FBLN1: variants seen among roughly 807,000 people sequenced by gnomAD.
FBLN1 encodes fibulin 1, also known as fibulin-1.
Under a neutral mutation model 89.7 loss-of-function variants are expected in FBLN1, and 34 were observed. The ratio of observed to expected loss-of-function variants is 0.38; its 90% CI spans 0.29 to 0.50. The LOEUF is 0.50. Among genes scored for constraint, FBLN1 ranks in the 20% least tolerant of loss-of-function variants. The pLI is 0.92. For missense variants in FBLN1, 777 were observed against 988.1 expected (o/e 0.79, Z 2.86); for synonymous variants, 393 against 391.3 (o/e 1.00, Z -0.05).
intron 14 of FBLN1, among the ~76,000 whole-genome samples, chr22:45,566,275 C>T (rs974517972): frequency 2.0e-5 from 3 of 152,168 alleles, no homozygotes; most frequent in Non-Finnish European, 4.4e-5. Flanking sequence ...CCAGAAGCTC[C>T]TCTGCAACAT....
At chr22:45,593,318 C>T (rs1184724225) in intron 16 of FBLN1, among the ~76,000 whole-genome samples, 1 of 152,174 alleles carries the variant, frequency 6.6e-6, no homozygotes, top group Non-Finnish European at 1.5e-5. Context: ...TGCACCCGAG[C>T]ACTTCGTGTT....
intron 14 of FBLN1, among the ~76,000 whole-genome samples, chr22:45,555,112 G>A (rs1294306074): frequency 1.1e-4 from 16 of 151,898 alleles, no homozygotes; most frequent in Admixed American, 2.0e-4. Context: ...GTTGGGACCC[G>A]TCCCCGTCTC....
In FBLN1 at chr22:45,574,561, C is replaced by T. The variant is rs1569262485; in HGVS notation, c.1748C>T (p.Pro583Leu). Residue 583 changes from proline to leucine, a missense_variant, in exon 15 of 17, where the codon CCC becomes CTC. Coordinates refer to ENST00000327858, the MANE Select transcript of FBLN1 (RefSeq NM_006486.3). This position sits in a 1 kb window ranked among gnomAD's most constrained non-coding sequence, Gnocchi z 4.1. ...GTCCGCTGCATCAAGTCCTGCCGCCCCAACGATGTCACATGCGTGTTCGAC... is the reference window on the plus strand; with the variant it reads ...GTCCGCTGCATCAAGTCCTGCCGCCTCAACGATGTCACATGCGTGTTCGAC... Reference protein sequence around the residue: ...DTVRCIKSCRPNDVTCVFDPV... With the variant: ...DTVRCIKSCRLNDVTCVFDPV... 6 of 1,614,208 alleles carry T rather than the reference C, an allele frequency of 3.7e-6. No individual in the cohort carries two copies. The highest frequency in any genetic ancestry group is 5.1e-6 in the Non-Finnish European group (6 of 1,180,034).
intron 14 of FBLN1, among the ~76,000 whole-genome samples, chr22:45,555,534 T>C (rs2088777781): frequency 6.6e-6 from 1 of 152,138 alleles, no homozygotes; most frequent in African/African-American, 2.4e-5. Flanking sequence ...CTGCTTATGC[T>C]GTAGCCGTGC....
At chr22:45,543,736 C>T (rs1003693055) in intron 11 of FBLN1, among the ~76,000 whole-genome samples, 3 of 152,208 alleles carry the variant, frequency 2.0e-5, no homozygotes, top group Non-Finnish European at 2.9e-5. Context: ...CCTCCGAGGC[C>T]GTGTCGGGGT....
At chr22:45,528,873 T>C (rs1280425746) in intron 4 of FBLN1, among the ~76,000 whole-genome samples, 2 of 152,202 alleles carry the variant, frequency 1.3e-5, no homozygotes, top group Non-Finnish European at 2.9e-5. Context: ...CGCTGAGTGC[T>C]TGGAGTCTGG....
At position 45,572,121 on chromosome 22, in the gene FBLN1, T is replaced by C. The variant is rs1377334041; in HGVS notation, c.1698-2390T>C. 6.6e-6 allele frequency among the ~76,000 whole-genome samples: 1 copy of C among 151,876 alleles called. No individual in the cohort carries two copies. Among genetic ancestry groups the C allele is most frequent in the Non-Finnish European group, 1.5e-5 (1 of 67,986 alleles). On this transcript the variant is annotated intron_variant, in intron 14 of 16. Coordinates refer to ENST00000327858, the MANE Select transcript of FBLN1 (RefSeq NM_006486.3). This position sits in a 1 kb window ranked among gnomAD's most constrained non-coding sequence, Gnocchi z 5.8. ...TCCAGCCTGGGTGACAGAGCGAGAC[T>C]CATCTCAAAAAATATATAAAAATAA...
At position 45,557,924 on chromosome 22, in the gene FBLN1, C is replaced by G. The variant is rs1462878333; in HGVS notation, c.1697+7309C>G. The G allele has an allele frequency of 4.8e-6, 3 of 624,086 alleles. No individual in the cohort carries two copies. The highest frequency in any genetic ancestry group is 9.0e-6 in the Non-Finnish European group (3 of 333,742). 38.7% of individuals were successfully genotyped at this position (624,086 alleles called of 1,614,324 possible). A position where few individuals can be genotyped will look rare whatever the true frequency, so the allele number is the denominator to read the frequency against. Reference sequence around the variant, plus strand: ...CCAGGTGCATTGCTTGAAGTTCTGCCCACTGGGAAGATTTCCCTTTGCCAC... The same window carrying G: ...CCAGGTGCATTGCTTGAAGTTCTGCGCACTGGGAAGATTTCCCTTTGCCAC... On this transcript the variant is annotated intron_variant, in intron 14 of 16. Transcript: ENST00000327858. The surrounding 1 kb of genome is among the most constrained non-coding windows in gnomAD (Gnocchi z 4.9).
Position 45,562,833 on chromosome 22 carries a change from A to G in FBLN1, c.1698-11678A>G. The G allele has an allele frequency of 1.4e-6, 2 of 1,412,710 alleles. No individual in the cohort carries two copies. The highest frequency in any genetic ancestry group is 2.0e-6 in the Non-Finnish European group (2 of 1,008,082). The allele number at this position is 1,412,710 out of a possible 1,614,324, so 87.5% of individuals were successfully genotyped here. A position where few individuals can be genotyped will look rare whatever the true frequency, so the allele number is the denominator to read the frequency against. On this transcript the variant is annotated intron_variant, in intron 14 of 16. Coordinates refer to ENST00000327858, the MANE Select transcript of FBLN1 (RefSeq NM_006486.3). The surrounding 1 kb of genome is among the most constrained non-coding windows in gnomAD (Gnocchi z 7.8). ...GGGAGGCCCCGCCTGCCAGCCCCGC[A>G]TCCCCGCGCTCTGCCGTTTCTCCGC...
intron 3 of FBLN1, among the ~76,000 whole-genome samples, 161 bp from the exon 4 acceptor site, chr22:45,527,686 T>C (rs554310706): frequency 6.6e-6 from 1 of 152,122 alleles, no homozygotes; most frequent in Non-Finnish European, 1.5e-5. Context: ...GCTTTGCTAT[T>C]TGTTGCTGAC....
chr22:45,596,845 T>C (rs532690245), intron 16 of FBLN1, among the ~76,000 whole-genome samples: 2 of 139,654 alleles, frequency 1.4e-5, no homozygotes. Context: ...TAAATTTATA[T>C]GTAAATTTAT....
In FBLN1 at chr22:45,532,897, C is replaced by T; in HGVS notation, c.545-166C>T. ...CCCTGGGGGGTGTCCAGAGCCAGAG[C>T]CTGGGGGTCTCCCAGTAGGGCAGCA... On this transcript the variant is annotated intron_variant, in intron 5 of 16. Transcript: ENST00000327858. The surrounding 1 kb of genome is among the most constrained non-coding windows in gnomAD (Gnocchi z 4.2). 1 of 665,478 alleles carries T rather than the reference C, an allele frequency of 1.5e-6. No homozygotes were observed. Among genetic ancestry groups the T allele is most frequent in the East Asian group, 2.7e-5 (1 of 36,808 alleles). The allele number at this position is 665,478 out of a possible 1,614,324, so 41.2% of individuals were successfully genotyped here.
At chr22:45,520,822 T>C (rs908024469) in intron 2 of FBLN1, among the ~76,000 whole-genome samples, 2 of 152,154 alleles carry the variant, frequency 1.3e-5, no homozygotes, top group African/African-American at 4.8e-5. Context: ...TTATCTTTTT[T>C]CTTTATTTTT....
Position 45,533,117 on chromosome 22 carries a change from C to A in FBLN1, c.599C>A (p.Ser200Tyr), listed in dbSNP as rs2088431874. 6.2e-7 allele frequency: 1 copy of A among 1,614,068 alleles called. No homozygotes were observed. Among genetic ancestry groups the A allele is most frequent in the Non-Finnish European group, 8.5e-7 (1 of 1,180,032 alleles). The change falls in exon 6 of 17, where the codon TCC becomes TAC. Residue 200 changes from serine (S) to tyrosine (Y), a missense_variant. Ser to Tyr is a moderately radical substitution (Grantham distance 144). Transcript: ENST00000327858. ...CRDTGDEVVC[S>Y]CFVGYQLLSD... ...GACACGGGTGACGAGGTGGTCTGCT[C>A]CTGCTTCGTGGGCTACCAGCTGCTG...
chr22:45,543,027 G>T (rs941936930), intron 10 of FBLN1, among the ~76,000 whole-genome samples: 8 of 152,368 alleles, frequency 5.3e-5, no homozygotes, highest in Non-Finnish European at 1.2e-4. Flanking sequence ...AGCACTTTGG[G>T]AGGCTAAGGC....
chr22:45,575,062 G>A lies in FBLN1; in HGVS notation c.1840+409G>A, dbSNP rs538669915. Reference sequence around the variant, plus strand: ...CTCCCAAAGTGCTGGGATTACAGGCGTGAGCCACCGCGCCTGGCAACTTGA... The same window carrying A: ...CTCCCAAAGTGCTGGGATTACAGGCATGAGCCACCGCGCCTGGCAACTTGA... On this transcript the variant is annotated intron_variant, in intron 15 of 16. Transcript: ENST00000327858. The surrounding 1 kb of genome is among the most constrained non-coding windows in gnomAD (Gnocchi z 6.3). 2.6e-5 allele frequency among the ~76,000 whole-genome samples: 4 copies of A among 152,236 alleles called. No homozygotes were observed. The highest frequency in any genetic ancestry group is 2.1e-4 in the South Asian group (1 of 4,822).
chr22:45,554,313 G>GC (rs1004973881), intron 14 of FBLN1, among the ~76,000 whole-genome samples: 1 of 152,298 alleles, frequency 6.6e-6, no homozygotes, highest in Non-Finnish European at 1.5e-5. Flanking sequence ...CTCCTCAGAG[G>GC]CCCCCCTGGG....
At position 45,532,919 on chromosome 22, in the gene FBLN1, A is replaced by G; in HGVS notation, c.545-144A>G. The G allele has an allele frequency of 1.4e-6, 1 of 711,638 alleles. No homozygotes were observed. The highest frequency in any genetic ancestry group is 1.6e-5 in the South Asian group (1 of 61,340). The allele number at this position is 711,638 out of a possible 1,614,324, so 44.1% of individuals were successfully genotyped here. A position where few individuals can be genotyped will look rare whatever the true frequency, so the allele number is the denominator to read the frequency against. On this transcript the variant is annotated intron_variant, in intron 5 of 16. Coordinates refer to ENST00000327858, the MANE Select transcript of FBLN1 (RefSeq NM_006486.3). The surrounding 1 kb of genome is among the most constrained non-coding windows in gnomAD (Gnocchi z 4.2). ...GAGCCTGGGGGTCTCCCAGTAGGGC[A>G]GCAGGTGGGCTCCAGCCAGGTCAGC... is the stretch of plus-strand genomic sequence containing the variant.
chr22:45,576,835 A>C lies in FBLN1; in HGVS notation c.1841-142A>C. ...CCCCTCCACCCTCCCCACACAGGGGATCTCTGGCTTCATTGATGTTGTCTC... is the reference window on the plus strand; with the variant it reads ...CCCCTCCACCCTCCCCACACAGGGGCTCTCTGGCTTCATTGATGTTGTCTC... On this transcript the variant is annotated intron_variant, in intron 15 of 16. Coordinates refer to ENST00000327858, the MANE Select transcript of FBLN1 (RefSeq NM_006486.3). This position sits in a 1 kb window ranked among gnomAD's most constrained non-coding sequence, Gnocchi z 5.2. 1.1e-6 allele frequency: 1 copy of C among 942,720 alleles called. No homozygotes were observed. The highest frequency in any genetic ancestry group is 1.6e-6 in the Non-Finnish European group (1 of 606,390). The allele number at this position is 942,720 out of a possible 1,614,324, so 58.4% of individuals were successfully genotyped here. A position where few individuals can be genotyped will look rare whatever the true frequency, so the allele number is the denominator to read the frequency against.
Sources: allele counts gnomAD v4.1 joint callset (sites outside exome capture counted in the v4.1 genomes callset), GRCh38; gene constraint gnomAD v4.1.1; non-coding constraint Gnocchi (gnomAD v3.1); transcripts MANE v1.5; gene names NCBI Gene and HGNC (gene_info 2026-07-23, HGNC 2026-07-21).